Variants in PEX14 observed in about 807,000 individuals in gnomAD.
The protein encoded by PEX14 is peroxisomal membrane protein PEX14.
PEX14 carries 15 observed loss-of-function variants against 49.5 expected under a neutral mutation model. The observed-to-expected ratio is 0.30, with a 90% CI of 0.20 to 0.47. The LOEUF (loss-of-function observed/expected upper bound fraction) is 0.47. PEX14 is among the 20% of genes least tolerant of loss of function. The pLI, the probability that PEX14 is intolerant of heterozygous loss-of-function variation, is 1.00. For missense variants in PEX14, 398 were observed against 494.8 expected (o/e 0.80, Z 1.86); for synonymous variants, 210 against 212.7 (o/e 0.99, Z 0.11).
chr1:10,536,649 GT>G (rs1387954879), intron 3 of PEX14: 1 of 302,288 alleles, frequency 3.3e-6, no homozygotes, highest in Non-Finnish European at 6.5e-6. Flanking sequence ...ACTAGCTTAG[GT>G]TAGGAGTTCA....
intron 1 of PEX14, among the ~76,000 whole-genome samples, chr1:10,475,655 TCAGACAAATCCCACTCCAATAAGGGGAC>T (rs1261342847): frequency 6.6e-6 from 1 of 152,174 alleles, no homozygotes; most frequent in Non-Finnish European, 1.5e-5. Flanking sequence ...ACCTGCAGAT[TCAGACAAATCCCACTCCAATAAGGGGAC>T]CATAAGGACC....
At chr1:10,587,983 T>G (rs1640550187) in intron 3 of PEX14, among the ~76,000 whole-genome samples, 1 of 145,970 alleles carries the variant, frequency 6.9e-6, no homozygotes, top group Non-Finnish European at 1.5e-5. Context: ...CCTAGCACTT[T>G]GGGAGGCCGA....
At chr1:10,580,832 A>G (rs1044634101) in intron 3 of PEX14, among the ~76,000 whole-genome samples, 32 of 151,830 alleles carry the variant, frequency 2.1e-4, no homozygotes, top group Admixed American at 1.8e-3. Context: ...CATCAAGTTC[A>G]TATGCTGCTT....
chr1:10,618,450 C>A, intron 5 of PEX14, 33 bp downstream of exon 5: 2 of 1,494,500 alleles, frequency 1.3e-6, no homozygotes, highest in Non-Finnish European at 1.9e-6. Context: ...AGGTGCTGTG[C>A]CCCTGCCACC....
At chr1:10,589,719 A>C (rs377604565) in intron 3 of PEX14, among the ~76,000 whole-genome samples, 1 of 152,142 alleles carries the variant, frequency 6.6e-6, no homozygotes, top group Admixed American at 6.6e-5. Flanking sequence ...GGCTTTCTAC[A>C]TAAGTCTTTT....
chr1:10,546,456 T>A (rs1639173601), intron 3 of PEX14, among the ~76,000 whole-genome samples: 1 of 151,646 alleles, frequency 6.6e-6, no homozygotes, highest in Non-Finnish European at 1.5e-5. Flanking sequence ...ACCAAGCTAC[T>A]TTGGAGGCTG....
chr1:10,528,185 T>C, intron 2 of PEX14: 1 of 243,748 alleles, frequency 4.1e-6, no homozygotes, highest in Non-Finnish European at 6.6e-6. Context: ...AGTGATGCCT[T>C]AATGTTTGAG....
intron 2 of PEX14, among the ~76,000 whole-genome samples, chr1:10,515,425 C>G (rs1435036258): frequency 1.3e-5 from 2 of 152,122 alleles, no homozygotes; most frequent in African/African-American, 4.8e-5. Context: ...CGAGGCTGTT[C>G]TGAGGTAAGG....
chr1:10,479,180 C>T (rs1641243437), intron 1 of PEX14, among the ~76,000 whole-genome samples: 1 of 151,862 alleles, frequency 6.6e-6, no homozygotes, highest in Non-Finnish European at 1.5e-5. Context: ...AGTTTGAGAC[C>T]AGCCTTTGCA....
intron 4 of PEX14, among the ~76,000 whole-genome samples, chr1:10,611,943 T>C (rs1641287914): frequency 6.6e-6 from 1 of 152,236 alleles, no homozygotes; most frequent in Admixed American, 6.5e-5. Flanking sequence ...GGCTTGTCTC[T>C]TCATTTTCTT....
At chr1:10,488,435 G>C (rs539891769) in intron 1 of PEX14, among the ~76,000 whole-genome samples, 1 of 152,312 alleles carries the variant, frequency 6.6e-6, no homozygotes, top group East Asian at 1.9e-4. Context: ...GGGATTACAG[G>C]CGTGAGCCAC....
At chr1:10,617,271 C>G (rs187816767) in intron 4 of PEX14, among the ~76,000 whole-genome samples, 45 of 152,272 alleles carry the variant, frequency 3.0e-4, no homozygotes, top group African/African-American at 1.0e-3. Context: ...CTCTCCACCT[C>G]GTGAACCCTT....
At chr1:10,506,853 G>A (rs1641791753) in intron 2 of PEX14, among the ~76,000 whole-genome samples, 1 of 152,128 alleles carries the variant, frequency 6.6e-6, no homozygotes, top group African/African-American at 2.4e-5. Context: ...CAGTCTGTGG[G>A]CCCACACTCA....
chr1:10,484,582 C>T (rs752898461), intron 1 of PEX14, among the ~76,000 whole-genome samples: 2 of 151,752 alleles, frequency 1.3e-5, no homozygotes, highest in African/African-American at 2.4e-5. Context: ...TTGATTCCTG[C>T]GTAACAGTAT....
At chr1:10,571,015 GTTTTTTTTTTTT>G (rs34811019) in intron 3 of PEX14, among the ~76,000 whole-genome samples, 1 of 74,544 alleles carries the variant, frequency 1.3e-5, no homozygotes, top group Non-Finnish European at 2.7e-5. Flanking sequence ...CGCCTGGCTA[GTTTTTTTTTTTT>G]TTTTTTTTTT....
At chr1:10,562,004 G>GGAGCCTCCCGA (rs1374981184) in intron 3 of PEX14, among the ~76,000 whole-genome samples, 1 of 152,066 alleles carries the variant, frequency 6.6e-6, no homozygotes, top group Non-Finnish European at 1.5e-5. Context: ...GAATAGCTAG[G>GGAGCCTCCCGA]ATTATAGGTG....
intron 2 of PEX14, among the ~76,000 whole-genome samples, chr1:10,499,518 G>A (rs970993747): frequency 2.1e-5 from 3 of 146,196 alleles, no homozygotes; most frequent in Non-Finnish European, 4.5e-5. Flanking sequence ...GTGTGATCTC[G>A]GCTCACTGCA....
At chr1:10,595,825 G>A (rs1189541617) in intron 3 of PEX14, among the ~76,000 whole-genome samples, 3 of 147,560 alleles carry the variant, frequency 2.0e-5, no homozygotes, top group African/African-American at 7.6e-5. Context: ...CAAAAAAAAG[G>A]TCTGCATTAG....
chr1:10,575,436 T>C (rs1003149267), intron 3 of PEX14, among the ~76,000 whole-genome samples: 9 of 152,222 alleles, frequency 5.9e-5, no homozygotes, highest in South Asian at 2.1e-4. Flanking sequence ...TAAAATGGAA[T>C]ATTTAATTTT....
Sources: allele counts gnomAD v4.1 joint callset (sites outside exome capture counted in the v4.1 genomes callset), GRCh38; gene constraint gnomAD v4.1.1; transcripts MANE v1.5; gene names NCBI Gene and HGNC (gene_info 2026-07-23, HGNC 2026-07-21).